Variants in ASIC2 observed in about 807,000 individuals in gnomAD.
ASIC2 encodes acid sensing ion channel subunit 2.
A neutral mutation model predicts 57.3 loss-of-function variants in ASIC2; 25 were observed. The ratio of observed to expected loss-of-function variants is 0.44; its 90% CI spans 0.32 to 0.61. The LOEUF (loss-of-function observed/expected upper bound fraction) is 0.61, where lower values mean the gene tolerates loss of function less well. Among genes scored for constraint, ASIC2 ranks in the 20% least tolerant of loss-of-function variants. ASIC2 has a pLI of 0.06. For missense variants in ASIC2, 641 were observed against 738.1 expected, an observed-to-expected ratio of 0.87 and a Z score of 1.52; for synonymous variants, 319 against 307.5, an observed-to-expected ratio of 1.04 and a Z score of -0.39.
chr17:33,745,784 T>A (rs1421473151), intron 1 of ASIC2, among the ~76,000 whole-genome samples: 1 of 152,136 alleles, frequency 6.6e-6, no homozygotes, highest in Admixed American at 6.5e-5. Context: ...ACTTACCTTA[T>A]GGAAAATACT....
intron 1 of ASIC2, among the ~76,000 whole-genome samples, chr17:33,999,292 G>C (rs896387860): frequency 6.6e-5 from 10 of 151,978 alleles, no homozygotes; most frequent in African/African-American, 2.4e-4. Context: ...GCATATAGTT[G>C]GGTCTTTAAA....
chr17:33,627,124 G>A (rs1008305037), intron 1 of ASIC2: 5 of 152,106 alleles, frequency 3.3e-5, no homozygotes, highest in Non-Finnish European at 7.3e-5. Flanking sequence ...GTCTTTGAAG[G>A]AAAAATGCTG....
At chr17:33,849,791 T>C (rs1366601628) in intron 1 of ASIC2, among the ~76,000 whole-genome samples, 1 of 151,922 alleles carries the variant, frequency 6.6e-6, no homozygotes, top group Non-Finnish European at 1.5e-5. Flanking sequence ...TGAAAAGGAG[T>C]TTGGACTCCT....
At chr17:33,140,631 G>C (rs751393258) in intron 1 of ASIC2, among the ~76,000 whole-genome samples, 2 of 152,222 alleles carry the variant, frequency 1.3e-5, no homozygotes, top group Non-Finnish European at 2.9e-5. Context: ...TTTAAGGTGG[G>C]TGTCACGTCA....
intron 1 of ASIC2, among the ~76,000 whole-genome samples, chr17:33,851,421 A>G (rs5013577): frequency 0.052 from 7,928 of 152,192 alleles, 232 homozygotes; most frequent in Non-Finnish European, 0.065. Flanking sequence ...ATGGCAGGGG[A>G]TGTGTTGGGG....
In ASIC2 at chr17:34,092,912, G is replaced by A. The variant is rs1008873111; in HGVS notation, c.555+63066C>T. On this transcript the variant is annotated intron_variant, in intron 1 of 9. Coordinates refer to the ASIC2 transcript ENST00000359872. ...TTATCCCTGGACAACATATCGAATT[G>A]TTTTGCATGTTTTCAAACTTTATAT... is the stretch of plus-strand genomic sequence containing the variant. Among the ~76,000 whole-genome samples, 3 of 152,034 alleles carry A rather than the reference G, an allele frequency of 2.0e-5. No homozygotes were observed. The South Asian group carries it at 6.2e-4, about 32-fold the overall frequency.
intron 1 of ASIC2, among the ~76,000 whole-genome samples, chr17:34,105,451 T>C (rs1911010350): frequency 6.6e-6 from 1 of 150,442 alleles, no homozygotes; most frequent in Non-Finnish European, 1.5e-5. Flanking sequence ...AAATTTCTGC[T>C]GTTATCTTTA....
rs992396040 is a variant in ASIC2, at chr17:33,522,169, C to A, written c.556-410102G>T. Among the ~76,000 whole-genome samples, 3 of 152,348 alleles carry A rather than the reference C, an allele frequency of 2.0e-5. No individual in the cohort carries two copies. The South Asian group carries it at 6.2e-4, about 32-fold the overall frequency. ...TGTCACTGCTGTCCCTACCAGGCAG[C>A]CTTGTGCCCTCTGCTCAGTACCCCC... On this transcript the variant is annotated intron_variant, in intron 1 of 9. Transcript: ENST00000359872.
At chr17:33,961,828 T>C (rs1904933440) in intron 1 of ASIC2, among the ~76,000 whole-genome samples, 1 of 152,134 alleles carries the variant, frequency 6.6e-6, no homozygotes, top group Non-Finnish European at 1.5e-5. Flanking sequence ...AACCCAACAT[T>C]GCTCTCCACA....
At chr17:33,234,082 A>G (rs1206724737) in intron 1 of ASIC2, among the ~76,000 whole-genome samples, 11 of 152,246 alleles carry the variant, frequency 7.2e-5, no homozygotes, top group Admixed American at 7.2e-4. Flanking sequence ...TTCTTCTCTA[A>G]GGCTGAGACA....
At chr17:33,031,160 G>T (rs1277635482) in intron 3 of ASIC2, among the ~76,000 whole-genome samples, 1 of 152,104 alleles carries the variant, frequency 6.6e-6, no homozygotes, top group East Asian at 1.9e-4. Context: ...TGCGTGTGAA[G>T]ATTTTTAATT....
chr17:33,297,105 C>T (rs972295171), upstream of ASIC2, among the ~76,000 whole-genome samples: 43 of 152,352 alleles, frequency 2.8e-4, no homozygotes, highest in African/African-American at 9.9e-4. Context: ...ACTCTTCAAA[C>T]TCTTTATAGA....
chr17:34,047,207 T>C (rs914783662), intron 1 of ASIC2, among the ~76,000 whole-genome samples: 1 of 152,164 alleles, frequency 6.6e-6, no homozygotes, highest in Admixed American at 6.5e-5. Flanking sequence ...CATTCACACA[T>C]ACATACGTGT....
intron 1 of ASIC2, among the ~76,000 whole-genome samples, chr17:33,783,221 A>T (rs1462075031): frequency 6.6e-6 from 1 of 152,232 alleles, no homozygotes; most frequent in Non-Finnish European, 1.5e-5. Flanking sequence ...TGCAGAGGCA[A>T]GGCACTAACC....
intron 1 of ASIC2, among the ~76,000 whole-genome samples, chr17:34,126,404 C>A (rs1911781961): frequency 6.6e-6 from 1 of 152,142 alleles, no homozygotes; most frequent in African/African-American, 2.4e-5. Context: ...AATAAAGCAC[C>A]CCAGAGGTGA....
At chr17:33,213,419 G>A (rs1158450260) in intron 1 of ASIC2, among the ~76,000 whole-genome samples, 4 of 152,318 alleles carry the variant, frequency 2.6e-5, no homozygotes, top group African/African-American at 9.6e-5. Flanking sequence ...GGGTGTGTTA[G>A]TGGCCAGAAC....
In ASIC2 at chr17:34,097,765, A is replaced by T. The variant is rs139506879; in HGVS notation, c.555+58213T>A. On this transcript the variant is annotated intron_variant, in intron 1 of 9. Transcript: ENST00000359872. ...TACAGAGGCCCAACTATGCTTTATT[A>T]TGGCAGCCCTAAGAAATTAATACTG... is the stretch of plus-strand genomic sequence containing the variant. Among the ~76,000 whole-genome samples the T allele has an allele frequency of 3.2e-3, 488 of 152,280 alleles. 2 individuals are homozygous for T. Among genetic ancestry groups the T allele is most frequent in the Middle Eastern group, 0.017 (5 of 294 alleles).
rs530390922 is a variant in ASIC2, at chr17:33,325,908, A to C, written c.556-213841T>G. 1.9e-4 allele frequency among the ~76,000 whole-genome samples: 29 copies of C among 152,310 alleles called. No homozygotes were observed. In the South Asian group the frequency reaches 5.8e-3, roughly 30 times the overall value. On this transcript the variant is annotated intron_variant, in intron 1 of 9. Coordinates refer to the ASIC2 transcript ENST00000359872. ...CCAGTGCAGTTGGGGGGCTGGTAACATCACTACTGAGATCATCCATTTCTG... is the reference window on the plus strand; with the variant it reads ...CCAGTGCAGTTGGGGGGCTGGTAACCTCACTACTGAGATCATCCATTTCTG...
intron 1 of ASIC2, among the ~76,000 whole-genome samples, chr17:34,029,118 C>T (rs1250088489): frequency 9.9e-5 from 15 of 152,282 alleles, no homozygotes; most frequent in East Asian, 3.9e-4. Flanking sequence ...AACTATTCCT[C>T]GCTATGTGGC....
Sources: allele counts gnomAD v4.1 joint callset (sites outside exome capture counted in the v4.1 genomes callset), GRCh38; gene constraint gnomAD v4.1.1; transcripts MANE v1.5; gene names NCBI Gene and HGNC (gene_info 2026-07-23, HGNC 2026-07-21).